Variants in POLR1C observed in about 807,000 individuals in gnomAD.
POLR1C encodes the protein DNA-directed RNA polymerases I and III subunit RPAC1.
A neutral mutation model predicts 38.3 loss-of-function variants in POLR1C; 42 were observed. The ratio of observed to expected loss-of-function variants is 1.10; its 90% CI spans 0.86 to 1.42. The LOEUF (loss-of-function observed/expected upper bound fraction) is 1.42, where lower values mean the gene tolerates loss of function less well. Among genes scored for constraint, POLR1C ranks in the 40% most tolerant of loss-of-function variants. The probability of loss-of-function intolerance (pLI) is 0.00; values close to 1 mark genes in which losing one functional copy is unlikely to be tolerated. For synonymous variants in POLR1C, 163 were observed against 163.9 expected (o/e 0.99, Z 0.04); for missense variants, 507 against 450.5 (o/e 1.13, Z -1.14).
downstream of POLR1C, among the ~76,000 whole-genome samples, chr6:43,532,896 G>A (rs186146492): frequency 6.6e-6 from 1 of 152,310 alleles, no homozygotes; most frequent in African/African-American, 2.4e-5. Context: ...TATAATCCTG[G>A]CACTTTGGGA....
chr6:43,535,937 A>T (rs1206252256), intron 9 of POLR1C, among the ~76,000 whole-genome samples: 1 of 152,176 alleles, frequency 6.6e-6, no homozygotes, highest in Non-Finnish European at 1.5e-5. Context: ...AGCCTGGCCA[A>T]CATGGTGAAA....
At chr6:43,551,479 G>A (rs997038931) in intron 10 of POLR1C, 2 of 1,604,250 alleles carry the variant, frequency 1.2e-6, no homozygotes, top group Non-Finnish European at 1.7e-6. Context: ...AAAACAGGTT[G>A]ACAATGGCTG....
At chr6:43,520,225 G>T (rs1304908158) in intron 5 of POLR1C, 40 bp downstream of exon 5, 1 of 1,613,984 alleles carries the variant, frequency 6.2e-7, no homozygotes, top group South Asian at 1.1e-5. Flanking sequence ...CCACCTGTGG[G>T]TAGCTGCTAG....
downstream of POLR1C, chr6:43,523,722 G>A: frequency 1.5e-6 from 2 of 1,318,412 alleles, no homozygotes; most frequent in African/African-American, 1.4e-5. Flanking sequence ...CACAGGGCCT[G>A]TTCTCTCCAG....
At chr6:43,538,683 T>C (rs1794500263) in intron 9 of POLR1C, 1 of 421,658 alleles carries the variant, frequency 2.4e-6, no homozygotes, top group South Asian at 5.2e-5. Flanking sequence ...TTTAGGCCTA[T>C]AATTTTCCTC....
At chr6:43,549,457 T>C in intron 9 of POLR1C, 5 of 1,570,384 alleles carry the variant, frequency 3.2e-6, no homozygotes, top group Non-Finnish European at 4.3e-6. Flanking sequence ...GTAACCAAAC[T>C]TGGCTACTTC....
intron 9 of POLR1C, among the ~76,000 whole-genome samples, chr6:43,550,206 T>A (rs1795161833): frequency 6.6e-6 from 1 of 152,232 alleles, no homozygotes; most frequent in South Asian, 2.1e-4. Context: ...CACTTGGCTA[T>A]GGAAACGCCT....
chr6:43,536,202 G>T (rs577685219), intron 9 of POLR1C, among the ~76,000 whole-genome samples: 4 of 151,802 alleles, frequency 2.6e-5, no homozygotes, highest in Non-Finnish European at 5.9e-5. Flanking sequence ...ATCACCTGAG[G>T]TCAGGAGTTT....
At chr6:43,556,556 A>G (rs1448318150) in intron 10 of POLR1C, among the ~76,000 whole-genome samples, 1 of 152,000 alleles carries the variant, frequency 6.6e-6, no homozygotes, top group African/African-American at 2.4e-5. Context: ...TTAAAAAGTA[A>G]ATCAGGTTGG....
At chr6:43,540,781 T>C (rs1027956922) in intron 9 of POLR1C, among the ~76,000 whole-genome samples, 3 of 152,218 alleles carry the variant, frequency 2.0e-5, no homozygotes, top group African/African-American at 4.8e-5. Flanking sequence ...CCCAGCCCCA[T>C]TTTTCTTAAG....
chr6:43,542,883 T>TTA (rs1036079405), intron 9 of POLR1C, among the ~76,000 whole-genome samples: 4 of 152,048 alleles, frequency 2.6e-5, no homozygotes, highest in Non-Finnish European at 5.9e-5. Flanking sequence ...CCAACAGAAA[T>TTA]TATATATATA....
chr6:43,520,430 G>A lies in POLR1C; in HGVS notation c.655+3G>A. 2.5e-6 allele frequency: 4 copies of A among 1,613,402 alleles called. No individual in the cohort carries two copies. Among genetic ancestry groups the A allele is most frequent in the Non-Finnish European group, 3.4e-6 (4 of 1,180,026 alleles). On this transcript the variant is annotated splice_donor_region_variant and intron_variant, in intron 6 of 8. Transcript: ENST00000642195. ...CATGCACTGTGTCAAGGGCATTGGT[G>A]AGAACCCTGTGTGCCTTCCTGGGAA... is the stretch of plus-strand genomic sequence containing the variant.
chr6:43,524,213 G>A (rs138393035), downstream of POLR1C, among the ~76,000 whole-genome samples: 452 of 152,222 alleles, frequency 3.0e-3, 3 homozygotes, highest in African/African-American at 0.01. Context: ...GTAGCCAGAC[G>A]TGGTGGTGCA....
downstream of POLR1C, chr6:43,533,781 G>A (rs1794147533): frequency 1.8e-6 from 1 of 564,624 alleles, no homozygotes; most frequent in South Asian, 2.0e-5. Context: ...CCTACAGTGA[G>A]CTATGGTTGC....
chr6:43,517,476 C>G, intron 2 of POLR1C, 99 bp downstream of exon 2: 2 of 1,031,688 alleles, frequency 1.9e-6, no homozygotes, highest in Non-Finnish European at 3.0e-6. Context: ...GGGGGTCGCT[C>G]CGTTTGTAAG....
At chr6:43,530,589 T>G, downstream of POLR1C, 1 of 1,393,826 alleles carries the variant, frequency 7.2e-7, no homozygotes, top group South Asian at 1.4e-5. Context: ...CATCTCTTCC[T>G]TCCAGTTCTG....
chr6:43,536,543 G>C (rs1271835844), intron 9 of POLR1C, among the ~76,000 whole-genome samples: 1 of 151,590 alleles, frequency 6.6e-6, no homozygotes, highest in Non-Finnish European at 1.5e-5. Flanking sequence ...TGGATCACGA[G>C]GTCAGGAGTT....
rs1793684412 is a variant in POLR1C, at chr6:43,527,645, A to G, written c.923-1604A>G. Reference sequence around the variant, plus strand: ...GACATGCCACTTACTGATTAGGTCCATGACTTCTCGGGTTAACATCCTCAC... The same window carrying G: ...GACATGCCACTTACTGATTAGGTCCGTGACTTCTCGGGTTAACATCCTCAC... On this transcript the variant is annotated intron_variant, in intron 8 of 8. Transcript: ENST00000304004. 5 of 1,613,926 alleles carry G rather than the reference A, an allele frequency of 3.1e-6. No individual in the cohort carries two copies. In the East Asian group the frequency reaches 1.1e-4, roughly 36 times the overall value.
Position 43,517,378 on chromosome 6 carries a change from G to A in POLR1C, c.141+1G>A, listed in dbSNP as rs752375350. ...CTGGGACCAGGACCGCTTCGAGAAG[G>A]TAAGTGGGGCCGGAGTTGTCTGGGG... On this transcript the variant is annotated splice_donor_variant, in intron 2 of 8. Transcript: ENST00000642195. LOFTEE classifies it high-confidence loss of function. The A allele has an allele frequency of 1.2e-6, 2 of 1,613,858 alleles. No homozygotes were observed. Among genetic ancestry groups the A allele is most frequent in the Non-Finnish European group, 1.7e-6 (2 of 1,179,830 alleles).
Sources: allele counts gnomAD v4.1 joint callset (sites outside exome capture counted in the v4.1 genomes callset), GRCh38; gene constraint gnomAD v4.1.1; transcripts MANE v1.5; gene names NCBI Gene and HGNC (gene_info 2026-07-23, HGNC 2026-07-21).